The following BLK variants were observed in gnomAD, a reference collection of about 807,000 sequenced individuals.
The protein encoded by BLK is BLK proto-oncogene, Src family tyrosine kinase, also known as tyrosine-protein kinase Blk.
In BLK, 64 loss-of-function variants were observed where a neutral mutation model predicts 61.8. The observed-to-expected ratio is 1.03, with a 90% confidence interval of 0.85 to 1.27. BLK has a LOEUF of 1.27. Among genes scored for constraint, BLK ranks in the 50% most tolerant of loss-of-function variants. The pLI, the probability that BLK is intolerant of heterozygous loss-of-function variation, is 0.00. For synonymous variants in BLK, 351 were observed against 272.0 expected, an observed-to-expected ratio of 1.29 and a Z score of -2.86; for missense variants, 853 against 660.5, an observed-to-expected ratio of 1.29 and a Z score of -3.19.
chr8:11,561,085 C>G (rs1242365573), intron 10 of BLK: 1 of 708,852 alleles, frequency 1.4e-6, no homozygotes. Context: ...GCACAGGTAG[C>G]CCCTGTGTCT....
At chr8:11,518,094 G>C (rs1455502040) in intron 1 of BLK, among the ~76,000 whole-genome samples, 1 of 152,180 alleles carries the variant, frequency 6.6e-6, no homozygotes, top group East Asian at 1.9e-4. Context: ...GGGCGAGAGA[G>C]TGTGCAGGGT....
intron 1 of BLK, among the ~76,000 whole-genome samples, chr8:11,540,417 G>A (rs188208341): frequency 9.9e-5 from 15 of 151,952 alleles, no homozygotes; most frequent in East Asian, 7.7e-4. Flanking sequence ...AATTTCATGC[G>A]GTTTTGATTA....
In BLK at chr8:11,540,088, T is replaced by A. The variant is rs544582301; in HGVS notation, c.-1-3136T>A. 2.7e-3 allele frequency among the ~76,000 whole-genome samples: 417 copies of A among 152,288 alleles called. 2 individuals are homozygous for A. The highest frequency in any genetic ancestry group is 8.9e-3 in the African/African-American group (369 of 41,586). On this transcript the variant is annotated intron_variant, in intron 1 of 12. Coordinates refer to ENST00000259089, the MANE Select transcript of BLK (RefSeq NM_001715.3). ...TGTTCTCTCTTCGCTTCTGGGTATT[T>A]TATCTTTGTTAGTAGTTGTCTCCAA...
intron 3 of BLK, 76 bp from the exon 4 acceptor site, chr8:11,547,956 G>C: frequency 7.9e-7 from 1 of 1,258,282 alleles, no homozygotes. Context: ...GTCCTCCTTG[G>C]TAGCCAGGCT....
At chr8:11,553,912 G>C (rs963542550) in intron 6 of BLK, among the ~76,000 whole-genome samples, 9 of 152,146 alleles carry the variant, frequency 5.9e-5, no homozygotes, top group Admixed American at 2.0e-4. Context: ...CGAGAACGAG[G>C]GGTCCGTGCC....
At chr8:11,499,841 C>T (rs1273385018) in intron 1 of BLK, among the ~76,000 whole-genome samples, 2 of 152,204 alleles carry the variant, frequency 1.3e-5, no homozygotes, top group Non-Finnish European at 2.9e-5. Flanking sequence ...TATTTCTGTG[C>T]ACCAGCTTTA....
At chr8:11,528,892 C>A (rs907999656) in intron 1 of BLK, among the ~76,000 whole-genome samples, 3 of 152,060 alleles carry the variant, frequency 2.0e-5, no homozygotes, top group African/African-American at 7.2e-5. Flanking sequence ...TAAGTGGGAG[C>A]TGAACGGTGA....
intron 1 of BLK, among the ~76,000 whole-genome samples, chr8:11,532,417 G>C (rs1206589648): frequency 2.7e-5 from 4 of 148,490 alleles, no homozygotes; most frequent in Admixed American, 1.4e-4. Context: ...CACCATGTTG[G>C]CCAGGCTGGT....
Position 11,544,033 on chromosome 8 carries a change from G to A in BLK, c.123+686G>A, listed in dbSNP as rs940146562. On this transcript the variant is annotated intron_variant, in intron 2 of 12. Coordinates refer to ENST00000259089, the MANE Select transcript of BLK (RefSeq NM_001715.3). The stretch of plus-strand genomic sequence containing the variant: ...GCTGGAGTGCAGTGGTGGGACCTTG[G>A]CTCACTGCAACCTCTGCCTCCTGGA... Among the ~76,000 whole-genome samples, 6 of 151,774 alleles carry A rather than the reference G, an allele frequency of 4.0e-5. No individual in the cohort carries two copies. The East Asian group carries it at 1.2e-3, about 29-fold the overall frequency.
At chr8:11,507,673 C>T (rs912739316) in intron 1 of BLK, among the ~76,000 whole-genome samples, 3 of 152,140 alleles carry the variant, frequency 2.0e-5, no homozygotes, top group Non-Finnish European at 2.9e-5. Flanking sequence ...TTACTGGGTC[C>T]ATGTCAACAT....
intron 1 of BLK, among the ~76,000 whole-genome samples, chr8:11,517,057 G>A (rs1799258742): frequency 1.3e-5 from 2 of 152,246 alleles, no homozygotes; most frequent in Non-Finnish European, 2.9e-5. Flanking sequence ...TCTGAGTAGG[G>A]AAGCGATGTG....
At chr8:11,518,686 G>C (rs1302069087) in intron 1 of BLK, among the ~76,000 whole-genome samples, 1 of 152,140 alleles carries the variant, frequency 6.6e-6, no homozygotes, top group Non-Finnish European at 1.5e-5. Context: ...TTAAAGGTAA[G>C]TCAGCTCCTC....
At chr8:11,550,326 C>T (rs1800845483) in intron 6 of BLK, 64 bp downstream of exon 6, 14 of 1,499,382 alleles carry the variant, frequency 9.3e-6, no homozygotes, top group Non-Finnish European at 1.2e-5. Context: ...CCTCCAGAGG[C>T]CTGGCCCTGG....
At chr8:11,560,582 C>T (rs1436203725) in intron 10 of BLK, 1 of 313,278 alleles carries the variant, frequency 3.2e-6, no homozygotes, top group Non-Finnish European at 6.3e-6. Flanking sequence ...GCCTTAGTTT[C>T]CTCAGCTAAA....
intron 10 of BLK, chr8:11,558,777 G>A: frequency 2.2e-6 from 1 of 456,210 alleles, no homozygotes; most frequent in South Asian, 1.5e-5. Context: ...CAGCAGAAAA[G>A]TTTTGGTCTG....
chr8:11,512,767 G>A (rs373089353), intron 1 of BLK, among the ~76,000 whole-genome samples: 9 of 152,306 alleles, frequency 5.9e-5, no homozygotes, highest in Middle Eastern at 3.4e-3. Context: ...GGGTTCAAGT[G>A]ATTCTGCTGT....
intron 1 of BLK, among the ~76,000 whole-genome samples, chr8:11,501,305 C>T (rs1317945530): frequency 6.6e-6 from 1 of 151,506 alleles, no homozygotes; most frequent in Non-Finnish European, 1.5e-5. Flanking sequence ...AGTCATAGCC[C>T]ATTTTCTTGA....
chr8:11,561,534 C>T, intron 11 of BLK, 82 bp downstream of exon 11: 1 of 1,541,338 alleles, frequency 6.5e-7, no homozygotes, highest in South Asian at 1.2e-5. Context: ...CTTCTCCCAG[C>T]ACAGCCCTGA....
intron 1 of BLK, among the ~76,000 whole-genome samples, chr8:11,541,563 T>C (rs1046355804): frequency 6.6e-6 from 1 of 151,618 alleles, no homozygotes; most frequent in Non-Finnish European, 1.5e-5. Flanking sequence ...AATGGCATGA[T>C]CTTGGCTCAC....
Sources: gnomAD v4.1 joint callset for allele counts (sites outside exome capture counted in the v4.1 genomes callset) on GRCh38, gnomAD v4.1.1 for gene constraint, MANE v1.5 for transcripts, NCBI Gene and HGNC (gene_info 2026-07-23, HGNC 2026-07-21) for gene names.